The following NSG2 variants were observed in gnomAD, a reference collection of about 807,000 sequenced individuals.
The protein encoded by NSG2 is neuronal vesicle trafficking-associated protein 2.
A neutral mutation model predicts 16.9 loss-of-function variants in NSG2; 4 were observed. That is an observed-to-expected ratio of 0.24 (90% CI 0.12 to 0.54). NSG2 has a LOEUF of 0.54. NSG2 is among the 20% of genes least tolerant of loss of function. NSG2 has a pLI of 0.95. For missense variants in NSG2, 179 were observed against 221.1 expected (o/e 0.81, Z 1.21); for synonymous variants, 98 against 88.7 (o/e 1.11, Z -0.59).
chr5:174,071,558 TA>T (rs1411445393), intron 3 of NSG2, among the ~76,000 whole-genome samples: 1 of 152,102 alleles, frequency 6.6e-6, no homozygotes, highest in African/African-American at 2.4e-5. Context: ...AAAACAAAAA[TA>T]AAACCCCAGT....
chr5:174,085,630 A>C (rs1463102940), intron 3 of NSG2, among the ~76,000 whole-genome samples: 1 of 152,250 alleles, frequency 6.6e-6, no homozygotes, highest in Non-Finnish European at 1.5e-5. Context: ...AAACAGCAAG[A>C]CTGTGCGATG....
intron 3 of NSG2, among the ~76,000 whole-genome samples, chr5:174,073,765 C>A (rs1192274493): frequency 2.6e-5 from 4 of 152,120 alleles, no homozygotes; most frequent in Admixed American, 2.6e-4. Flanking sequence ...TCAATGACCA[C>A]CCCATCGCAA....
chr5:174,095,213 T>A (rs947996534), intron 3 of NSG2, among the ~76,000 whole-genome samples: 7 of 151,630 alleles, frequency 4.6e-5, no homozygotes, highest in Non-Finnish European at 1.0e-4. Flanking sequence ...AAGAGAGGAG[T>A]CCGCATTTGT....
intron 3 of NSG2, among the ~76,000 whole-genome samples, chr5:174,096,092 A>T (rs1015055133): frequency 6.6e-6 from 1 of 152,216 alleles, no homozygotes; most frequent in Non-Finnish European, 1.5e-5. Context: ...AATACCACCT[A>T]CCTCATAGGG....
At chr5:174,079,660 T>G (rs1274222499) in intron 3 of NSG2, among the ~76,000 whole-genome samples, 1 of 152,186 alleles carries the variant, frequency 6.6e-6, no homozygotes, top group Non-Finnish European at 1.5e-5. Context: ...GCTGGACCAT[T>G]TGTTCCTTCC....
chr5:174,081,415 T>G (rs1443178007), intron 3 of NSG2: 1 of 152,228 alleles, frequency 6.6e-6, no homozygotes, highest in Non-Finnish European at 1.5e-5. Context: ...CTTCTTTGAC[T>G]TGGCATTATG....
chr5:174,085,211 T>C (rs1322627228), intron 3 of NSG2, among the ~76,000 whole-genome samples: 1 of 152,224 alleles, frequency 6.6e-6, no homozygotes, highest in Non-Finnish European at 1.5e-5. Flanking sequence ...GAGCTTTACA[T>C]CCAGCATCTT....
intron 3 of NSG2, among the ~76,000 whole-genome samples, chr5:174,088,327 C>A (rs1409295300): frequency 6.6e-6 from 1 of 152,148 alleles, no homozygotes; most frequent in African/African-American, 2.4e-5. Flanking sequence ...CCGTCTGTCC[C>A]CAGAGGCTAT....
At chr5:174,077,201 TA>T (rs1383288150) in intron 3 of NSG2, among the ~76,000 whole-genome samples, 43 of 152,250 alleles carry the variant, frequency 2.8e-4, no homozygotes, top group African/African-American at 9.4e-4. Flanking sequence ...TAAATAGCTT[TA>T]TTTTTTTTGT....
In NSG2 at chr5:174,099,890, C is replaced by T. The variant is rs373552421; in HGVS notation, c.214-4338C>T. On this transcript the variant is annotated intron_variant, in intron 3 of 4. Transcript: ENST00000303177. ...GGCCTCAGTCATGGTGTCACCTCTG[C>T]GTTGCAAGTGTCTACACCCATCAGT... Among the ~76,000 whole-genome samples the T allele has an allele frequency of 2.8e-4, 42 of 152,278 alleles. 1 individual carries two copies. The South Asian group carries it at 8.1e-3, about 29-fold the overall frequency.
intron 2 of NSG2, among the ~76,000 whole-genome samples, chr5:174,050,525 C>A (rs1486118783): frequency 6.6e-6 from 1 of 152,156 alleles, no homozygotes; most frequent in African/African-American, 2.4e-5. Context: ...AGTGGCCTGC[C>A]TAAACTTTAC....
At chr5:174,048,840 C>G (rs1001011346) in intron 2 of NSG2, among the ~76,000 whole-genome samples, 4 of 152,194 alleles carry the variant, frequency 2.6e-5, no homozygotes, top group African/African-American at 9.7e-5. Context: ...CATTGTCTCT[C>G]ATAGTGGGCC....
chr5:174,100,854 C>T (rs891405630), intron 3 of NSG2, among the ~76,000 whole-genome samples: 3 of 152,352 alleles, frequency 2.0e-5, no homozygotes, highest in Admixed American at 2.0e-4. Flanking sequence ...TGGCCAGGGG[C>T]CTTATCCAGC....
intron 4 of NSG2, among the ~76,000 whole-genome samples, chr5:174,106,555 A>G (rs993963573): frequency 5.9e-5 from 8 of 134,948 alleles, no homozygotes; most frequent in Non-Finnish European, 9.4e-5. Context: ...CAAATACATC[A>G]TTACATGAAT....
At chr5:174,081,018 ATCTTT>A (rs1482639765) in intron 3 of NSG2, among the ~76,000 whole-genome samples, 2 of 151,916 alleles carry the variant, frequency 1.3e-5, no homozygotes, top group East Asian at 1.9e-4. Flanking sequence ...TGTACAAGGA[ATCTTT>A]TCTTTTGTTG....
intron 3 of NSG2, among the ~76,000 whole-genome samples, chr5:174,086,929 C>T (rs921086845): frequency 6.6e-6 from 1 of 152,206 alleles, no homozygotes; most frequent in Non-Finnish European, 1.5e-5. Context: ...TGTTCCAGTT[C>T]AAACTGTGCT....
intron 3 of NSG2, among the ~76,000 whole-genome samples, 187 bp from the exon 4 acceptor site, chr5:174,104,041 C>T (rs1156688367): frequency 1.3e-5 from 2 of 152,144 alleles, no homozygotes; most frequent in African/African-American, 2.4e-5. Flanking sequence ...AGAGATTATC[C>T]TGCAGAAGGG....
intron 3 of NSG2, among the ~76,000 whole-genome samples, chr5:174,075,231 G>A (rs967324185): frequency 6.6e-6 from 1 of 152,196 alleles, no homozygotes; most frequent in East Asian, 1.9e-4. Flanking sequence ...GAAAGCTGGG[G>A]ATCAGCATGA....
intron 2 of NSG2, among the ~76,000 whole-genome samples, chr5:174,050,359 G>A (rs539282400): frequency 6.6e-6 from 1 of 152,324 alleles, no homozygotes; most frequent in African/African-American, 2.4e-5. Flanking sequence ...GCTAGCTGGA[G>A]TCCTCTCGTG....
Sources: gnomAD v4.1 joint callset for allele counts (sites outside exome capture counted in the v4.1 genomes callset) on GRCh38, gnomAD v4.1.1 for gene constraint, MANE v1.5 for transcripts, NCBI Gene and HGNC (gene_info 2026-07-23, HGNC 2026-07-21) for gene names.